Variants in PCDHGA4 observed in about 807,000 individuals in gnomAD.
PCDHGA4 encodes protocadherin gamma subfamily A, 4.
A neutral mutation model predicts 54.6 loss-of-function variants in PCDHGA4; 38 were observed. That is an observed-to-expected ratio of 0.70 (90% confidence interval 0.54 to 0.91). The LOEUF is 0.91. Ranked by LOEUF, PCDHGA4 falls within the 40% of genes least tolerant of loss-of-function variation. The pLI is 0.00. For synonymous variants in PCDHGA4, 511 were observed against 512.9 expected (o/e 1.00, Z 0.05); for missense variants, 1,298 against 1,220.9 (o/e 1.06, Z -0.94).
At chr5:141,492,974 C>G (rs1479838959) in intron 1 of PCDHGA4, among the ~76,000 whole-genome samples, 1 of 152,244 alleles carries the variant, frequency 6.6e-6, no homozygotes, top group Non-Finnish European at 1.5e-5. Flanking sequence ...CTAACAAGTC[C>G]TGTCTCCTCT....
At chr5:141,388,965 G>A in intron 1 of PCDHGA4, 2 of 1,613,978 alleles carry the variant, frequency 1.2e-6, no homozygotes, top group Non-Finnish European at 1.7e-6. Flanking sequence ...CGCCGAGCTG[G>A]GAACACATAT....
At chr5:141,366,773 G>A (rs1474826624) in intron 1 of PCDHGA4, 3 of 1,595,414 alleles carry the variant, frequency 1.9e-6, no homozygotes, top group Non-Finnish European at 2.6e-6. Context: ...CTTTCGGTAA[G>A]GATGACCAGA....
intron 1 of PCDHGA4, chr5:141,419,231 C>G (rs1309708358): frequency 2.5e-6 from 4 of 1,614,026 alleles, no homozygotes; most frequent in Admixed American, 1.7e-5. Context: ...GTCAGCCTAC[C>G]TGGTCCACGT....
chr5:141,365,153 G>A, intron 1 of PCDHGA4: 1 of 1,613,872 alleles, frequency 6.2e-7, no homozygotes, highest in Non-Finnish European at 8.5e-7. Flanking sequence ...GGGAATAAAC[G>A]GGAAATTGAC....
intron 1 of PCDHGA4, among the ~76,000 whole-genome samples, chr5:141,434,221 G>T (rs760622311): frequency 6.6e-6 from 1 of 152,206 alleles, no homozygotes; most frequent in Admixed American, 6.5e-5. Flanking sequence ...TGTAAACAAA[G>T]TACGATTTCT....
intron 1 of PCDHGA4, chr5:141,428,330 T>C: frequency 1.6e-6 from 1 of 628,558 alleles, no homozygotes; most frequent in Non-Finnish European, 2.9e-6. Flanking sequence ...TTGATTTCTA[T>C]GCTCTTCTTC....
At chr5:141,406,448 A>G (rs149183502) in intron 1 of PCDHGA4, among the ~76,000 whole-genome samples, 1 of 152,348 alleles carries the variant, frequency 6.6e-6, no homozygotes, top group African/African-American at 2.4e-5. Context: ...TTCCATTTCT[A>G]TGACAGGAAA....
chr5:141,506,180 G>T (rs548366782), intron 3 of PCDHGA4, among the ~76,000 whole-genome samples: 44 of 152,294 alleles, frequency 2.9e-4, no homozygotes, highest in Non-Finnish European at 5.7e-4. Context: ...GCTGGGCGTG[G>T]TGGCTCACGC....
chr5:141,381,625 G>C (rs1460922523), intron 1 of PCDHGA4, among the ~76,000 whole-genome samples: 1 of 152,172 alleles, frequency 6.6e-6, no homozygotes, highest in Non-Finnish European at 1.5e-5. Context: ...TAGGATCTCT[G>C]CAGATTTCTG....
intron 1 of PCDHGA4, chr5:141,393,092 G>A (rs2092676024): frequency 6.2e-7 from 1 of 1,613,644 alleles, no homozygotes; most frequent in Non-Finnish European, 8.5e-7. Flanking sequence ...TAGATCGGGA[G>A]GAGCTCTGCG....
chr5:141,364,631 C>G lies in PCDHGA4; in HGVS notation c.2514+7010C>G, dbSNP rs1185319581. ...GGAGGAGCTCTGCGCTCAGAGCCCA[C>G]TGTGTGTGGTGAACTTTAACATCTT... On this transcript the variant is annotated intron_variant, in intron 1 of 3. Coordinates refer to ENST00000571252, the MANE Select transcript of PCDHGA4 (RefSeq NM_018917.4). 1.2e-6 allele frequency: 2 copies of G among 1,614,122 alleles called. No individual in the cohort carries two copies. Among genetic ancestry groups the G allele is most frequent in the East Asian group, 2.2e-5 (1 of 44,886 alleles).
intron 1 of PCDHGA4, chr5:141,405,407 CTT>C (rs762612492): frequency 6.3e-7 from 1 of 1,581,924 alleles, no homozygotes; most frequent in African/African-American, 1.4e-5. Flanking sequence ...TCTTTCTTTT[CTT>C]TTTTTGTTTT....
Position 141,476,294 on chromosome 5 carries a change from A to G in PCDHGA4, c.2515-18513A>G. 6.2e-7 allele frequency: 1 copy of G among 1,613,036 alleles called. No homozygotes were observed. The highest frequency in any genetic ancestry group is 8.5e-7 in the Non-Finnish European group (1 of 1,179,642). On this transcript the variant is annotated intron_variant, in intron 1 of 3. Transcript: ENST00000571252. The surrounding 1 kb of genome is among the most constrained non-coding windows in gnomAD (Gnocchi z 7.6). ...CGCGAACCTTGGTTTGGATCTCGGT[A>G]GCCTCTCAGCCCGCAGGTTCCGGGT...
chr5:141,432,427 C>G lies in PCDHGA4; in HGVS notation c.2515-62380C>G. 5 of 1,614,242 alleles carry G rather than the reference C, an allele frequency of 3.1e-6. No homozygotes were observed. The highest frequency in any genetic ancestry group is 4.2e-6 in the Non-Finnish European group (5 of 1,180,036). On this transcript the variant is annotated intron_variant, in intron 1 of 3. Transcript: ENST00000571252. The surrounding 1 kb of genome is among the most constrained non-coding windows in gnomAD (Gnocchi z 6.0). ...TGAGCCTGTTCGTGCTGGACCAGAA[C>G]GACAATGCGCCCGAGATCCTGTACC... is the stretch of plus-strand genomic sequence containing the variant.
intron 1 of PCDHGA4, among the ~76,000 whole-genome samples, chr5:141,452,575 T>A (rs1386847800): frequency 6.6e-6 from 1 of 152,192 alleles, no homozygotes; most frequent in Non-Finnish European, 1.5e-5. Flanking sequence ...CCTTCCCCCT[T>A]TCCATCTTTG....
intron 1 of PCDHGA4, chr5:141,361,035 A>C: frequency 6.2e-7 from 1 of 1,613,478 alleles, no homozygotes; most frequent in Non-Finnish European, 8.5e-7. Context: ...AAACAGGAGA[A>C]ATCACGACAA....
intron 1 of PCDHGA4, chr5:141,375,358 G>T: frequency 6.2e-7 from 1 of 1,613,810 alleles, no homozygotes; most frequent in Non-Finnish European, 8.5e-7. Flanking sequence ...TGACAGCCAC[G>T]GACAAAGGAA....
chr5:141,432,715 C>T lies in PCDHGA4; in HGVS notation c.2515-62092C>T. 1 of 1,613,996 alleles carries T rather than the reference C, an allele frequency of 6.2e-7. No individual in the cohort carries two copies. The highest frequency in any genetic ancestry group is 8.5e-7 in the Non-Finnish European group (1 of 1,179,970). ...TGGCCGTCCAGGACCACGGCCAGCC[C>T]CCTCTCTCCGCCACTGTCACGCTCA... On this transcript the variant is annotated intron_variant, in intron 1 of 3. Transcript: ENST00000571252. This position sits in a 1 kb window ranked among gnomAD's most constrained non-coding sequence, Gnocchi z 6.0.
chr5:141,394,487 C>T (rs371014360), intron 1 of PCDHGA4: 11 of 1,614,248 alleles, frequency 6.8e-6, no homozygotes, highest in African/African-American at 5.3e-5. Context: ...AGAATGACAA[C>T]GCGCCCGAGA....
Sources: gnomAD v4.1 joint callset for allele counts (sites outside exome capture counted in the v4.1 genomes callset) on GRCh38, gnomAD v4.1.1 for gene constraint, Gnocchi (gnomAD v3.1) non-coding constraint, MANE v1.5 for transcripts, NCBI Gene and HGNC (gene_info 2026-07-23, HGNC 2026-07-21) for gene names.